The following SRRD variants were observed in gnomAD, a reference collection of about 807,000 sequenced individuals.
SRRD encodes SRR1 domain containing.
SRRD carries 28 observed loss-of-function variants against 30.7 expected under a neutral mutation model. The ratio of observed to expected loss-of-function variants is 0.91; its 90% CI spans 0.68 to 1.25. The LOEUF (loss-of-function observed/expected upper bound fraction) is 1.25, where lower values mean the gene tolerates loss of function less well. Among genes scored for constraint, SRRD ranks in the 50% most tolerant of loss-of-function variants. The pLI is 0.00. For missense variants in SRRD, 415 were observed against 417.3 expected, an observed-to-expected ratio of 0.99 and a Z score of 0.05; for synonymous variants, 161 against 159.6, an observed-to-expected ratio of 1.01 and a Z score of -0.07.
Position 26,494,606 on chromosome 22 carries a change from T to G in SRRD, c.*2934T>G. ...GCTGAGATAAAGCAAATAAAGTGCT[T>G]GGAACAGCTTCTGATACATGGCAAA... is the stretch of plus-strand genomic sequence containing the variant. On this transcript the variant is annotated 3_prime_UTR_variant, in exon 7 of 7. Coordinates refer to ENST00000215917, the MANE Select transcript of SRRD (RefSeq NM_001013694.3). The G allele has an allele frequency of 3.5e-6, 3 of 859,868 alleles. No individual in the cohort carries two copies. 53.3% of individuals were successfully genotyped at this position (859,868 alleles called of 1,614,324 possible).
In SRRD at chr22:26,492,365, G is replaced by A. The variant is rs747177089; in HGVS notation, c.*693G>A. The stretch of plus-strand genomic sequence containing the variant: ...CTCCCGTGCTCCTGGCTGCATGTAG[G>A]CACCTAAGATACAGGAGGACAGGGC... On this transcript the variant is annotated 3_prime_UTR_variant, in exon 7 of 7. Transcript: ENST00000215917. 6 of 1,613,916 alleles carry A rather than the reference G, an allele frequency of 3.7e-6. 1 individual carries two copies. The South Asian group carries it at 6.6e-5, about 18-fold the overall frequency.
In SRRD at chr22:26,488,175, G is replaced by A. The variant is rs562038940; in HGVS notation, c.397G>A (p.Val133Ile). ...ATDSIPREIL[V>I]TGTCHLKCVC... is the part of the protein sequence containing the mutation. Reference sequence around the variant, plus strand: ...TGATTCTATCCCAAGAGAGATCTTGGTCACAGGAACCTGCCATTTGAAGTG... The same window carrying A: ...TGATTCTATCCCAAGAGAGATCTTGATCACAGGAACCTGCCATTTGAAGTG... Residue 133 changes from valine (V) to isoleucine (I), a missense_variant, in exon 3 of 7, where the codon GTC (valine) becomes ATC (isoleucine). By Grantham distance (29) the Val-to-Ile change is conservative. Transcript: ENST00000215917. The A allele has an allele frequency of 8.7e-6, 14 of 1,614,190 alleles. No individual in the cohort carries two copies. Among genetic ancestry groups the A allele is most frequent in the Middle Eastern group, 1.6e-4 (1 of 6,062 alleles).
In SRRD at chr22:26,491,362, AAAAGT is replaced by A. The variant is rs760427602; in HGVS notation, c.811-95_811-91del. 99 of 1,004,048 alleles carry A rather than the reference AAAAGT, an allele frequency of 9.9e-5. No individual in the cohort carries two copies. The African/African-American group carries it at 1.3e-3, about 13-fold the overall frequency. 62.2% of individuals were successfully genotyped at this position (1,004,048 alleles called of 1,614,324 possible). On this transcript the variant is annotated intron_variant, in intron 6 of 6. Coordinates refer to ENST00000215917, the MANE Select transcript of SRRD (RefSeq NM_001013694.3). Reference sequence around the variant, plus strand: ...AAATACCCTATTTGTTATTTTTTTAAAAAGTAAAGTGGGGATGACAAGTAAAGTGG... The same window carrying A: ...AAATACCCTATTTGTTATTTTTTTAAAAAGTGGGGATGACAAGTAAAGTGG...
intron 4 of SRRD, among the ~76,000 whole-genome samples, chr22:26,489,335 T>C (rs2091731012): frequency 6.6e-6 from 1 of 152,010 alleles, no homozygotes; most frequent in East Asian, 1.9e-4. Context: ...AGGAATGAAA[T>C]ACTGAGGCAG....
rs1393911265 is a variant in SRRD, at chr22:26,492,904, G to A, written c.*1232G>A. On this transcript the variant is annotated 3_prime_UTR_variant, in exon 7 of 7. Transcript: ENST00000215917. ...AATTGAGGGGTATATTCAGGGAACA[G>A]TTTTGGAAACATGAGGCCAAGGGTA... 6.5e-6 allele frequency: 1 copy of A among 154,560 alleles called. No individual in the cohort carries two copies. The highest frequency in any genetic ancestry group is 2.4e-5 in the African/African-American group (1 of 41,442). The allele number at this position is 154,560 out of a possible 1,614,324, so 9.6% of individuals were successfully genotyped here.
chr22:26,491,097 ATGGAAAAGGGTGTGAAAC>A lies in SRRD; in HGVS notation c.810+30_810+47del, dbSNP rs1367843865. 4 of 1,603,392 alleles carry A rather than the reference ATGGAAAAGGGTGTGAAAC, an allele frequency of 2.5e-6. No individual in the cohort carries two copies. The African/African-American group carries it at 5.4e-5, about 22-fold the overall frequency. ...TATCTATCTGAATAAAGGGGCTGGG[ATGGAAAAGGGTGTGAAAC>A]TGTGAAGAATTCTATCTTTCTTTAC... On this transcript the variant is annotated intron_variant, in intron 6 of 6. Transcript: ENST00000215917.
chr22:26,491,682 G>A lies in SRRD; in HGVS notation c.*10G>A. 6.2e-7 allele frequency: 1 copy of A among 1,606,004 alleles called. No individual in the cohort carries two copies. The highest frequency in any genetic ancestry group is 8.5e-7 in the Non-Finnish European group (1 of 1,179,266). Reference sequence around the variant, plus strand: ...TTCTGCTACTGACTGAACTCGTTGTGAGGTACTCAGTGTTGGCTGAGGTAG... The same window carrying A: ...TTCTGCTACTGACTGAACTCGTTGTAAGGTACTCAGTGTTGGCTGAGGTAG... On this transcript the variant is annotated 3_prime_UTR_variant, in exon 7 of 7. Coordinates refer to ENST00000215917, the MANE Select transcript of SRRD (RefSeq NM_001013694.3).
chr22:26,486,925 T>TC (rs1319997170), intron 2 of SRRD, among the ~76,000 whole-genome samples: 2 of 151,064 alleles, frequency 1.3e-5, no homozygotes, highest in African/African-American at 4.9e-5. Flanking sequence ...TTTTTTTTTT[T>TC]TTTTTTTTTC....
chr22:26,488,513 C>A, intron 4 of SRRD, 25 bp downstream of exon 4: 1 of 1,571,958 alleles, frequency 6.4e-7, no homozygotes, highest in South Asian at 1.1e-5. Flanking sequence ...GGGGAGCAGA[C>A]AGAACTGTAA....
intron 1 of SRRD, among the ~76,000 whole-genome samples, chr22:26,485,224 A>G (rs529201630): frequency 3.3e-5 from 5 of 152,264 alleles, no homozygotes; most frequent in African/African-American, 9.6e-5. Context: ...GTGTGGTGCA[A>G]TCACCATCGC....
Position 26,491,605 on chromosome 22 carries a change from A to AT in SRRD, c.955dup (p.Tyr319LeufsTer5). 1 of 1,614,172 alleles carries AT rather than the reference A, an allele frequency of 6.2e-7. No homozygotes were observed. On this transcript the variant is annotated frameshift_variant, in exon 7 of 7. Transcript: ENST00000215917. LOFTEE classifies it high-confidence loss of function. ...ATTTGGGAGTTTCGGGAAGAACCAGATTATCAGGACTGTGAGGACCTTGAA... is the reference window on the plus strand; with the variant it reads ...ATTTGGGAGTTTCGGGAAGAACCAGATTTATCAGGACTGTGAGGACCTTGAA...
At chr22:26,487,930 ATC>A in intron 2 of SRRD, 97 bp from the exon 3 acceptor site, 1 of 1,371,096 alleles carries the variant, frequency 7.3e-7, no homozygotes, top group Non-Finnish European at 9.9e-7. Flanking sequence ...TACTGCCCTG[ATC>A]TCTTTCTCCC....
chr22:26,484,438 G>A (rs538295951), intron 1 of SRRD, among the ~76,000 whole-genome samples: 15 of 152,302 alleles, frequency 9.8e-5, no homozygotes, highest in Non-Finnish European at 2.1e-4. Flanking sequence ...TCTGGCACGT[G>A]GTAAGCACTG....
chr22:26,488,856 T>A (rs2091728172), intron 4 of SRRD, among the ~76,000 whole-genome samples: 1 of 152,148 alleles, frequency 6.6e-6, no homozygotes. Context: ...CCCAGGGAGG[T>A]AATAAAAGGG....
chr22:26,486,203 A>C lies in SRRD; in HGVS notation c.250+140A>C. ...CCCTTACAGCTGTATGTCTTTTGGC[A>C]CTTAATTCTGATCCTCAGTTTCTTT... On this transcript the variant is annotated intron_variant, in intron 2 of 6. Transcript: ENST00000215917. The C allele has an allele frequency of 4.7e-6, 4 of 857,372 alleles. No individual in the cohort carries two copies. The South Asian group carries it at 6.4e-5, about 14-fold the overall frequency. The allele number at this position is 857,372 out of a possible 1,614,324, so 53.1% of individuals were successfully genotyped here.
rs191649503 is a variant in SRRD, at chr22:26,487,745, T to C, written c.251-284T>C. 1.0e-3 allele frequency among the ~76,000 whole-genome samples: 153 copies of C among 152,342 alleles called. 3 individuals are homozygous for C. The highest frequency in any genetic ancestry group is 9.7e-3 in the Admixed American group (148 of 15,308). On this transcript the variant is annotated intron_variant, in intron 2 of 6. Transcript: ENST00000215917. ...TTAGAATGAGTTCACATTAGAGTTTTAGATGGAAACTGCCCTTGAGTGAAA... is the reference window on the plus strand; with the variant it reads ...TTAGAATGAGTTCACATTAGAGTTTCAGATGGAAACTGCCCTTGAGTGAAA...
chr22:26,491,223 A>G, intron 6 of SRRD, 153 bp downstream of exon 6: 1 of 810,650 alleles, frequency 1.2e-6, no homozygotes, highest in Non-Finnish European at 2.0e-6. Flanking sequence ...GAAAGCTATG[A>G]CTCTTTAATG....
chr22:26,488,912 C>T (rs962506449), intron 4 of SRRD, among the ~76,000 whole-genome samples: 1 of 152,188 alleles, frequency 6.6e-6, no homozygotes, highest in Non-Finnish European at 1.5e-5. Flanking sequence ...AAACCCATAG[C>T]ACCTGGCTGT....
chr22:26,488,180 A>G lies in SRRD; in HGVS notation c.402A>G (p.Thr134=). 2 of 1,614,236 alleles carry G rather than the reference A, an allele frequency of 1.2e-6. No individual in the cohort carries two copies. The highest frequency in any genetic ancestry group is 1.7e-6 in the Non-Finnish European group (2 of 1,180,032). Residue 134 remains threonine (T), a synonymous_variant, in exon 3 of 7, where the codon ACA becomes ACG. Transcript: ENST00000215917. The stretch of plus-strand genomic sequence containing the variant: ...CTATCCCAAGAGAGATCTTGGTCAC[A>G]GGAACCTGCCATTTGAAGTGTGTGT... ...TDSIPREILV[T]GTCHLKCVCY...
Sources: gnomAD v4.1 joint callset for allele counts (sites outside exome capture counted in the v4.1 genomes callset) on GRCh38, gnomAD v4.1.1 for gene constraint, MANE v1.5 for transcripts, NCBI Gene and HGNC (gene_info 2026-07-23, HGNC 2026-07-21) for gene names.